EIPR1: variants seen among roughly 807,000 people sequenced by gnomAD.
EIPR1 encodes EARP complex and GARP complex interacting protein 1.
A neutral mutation model predicts 48.1 loss-of-function variants in EIPR1; 25 were observed. The ratio of observed to expected loss-of-function variants is 0.52; its 90% CI spans 0.38 to 0.73. The LOEUF is 0.73. EIPR1 is among the 30% of genes least tolerant of loss of function. The probability of loss-of-function intolerance (pLI) is 0.00; values close to 1 mark genes in which losing one functional copy is unlikely to be tolerated. For missense variants in EIPR1, 415 were observed against 506.2 expected, an observed-to-expected ratio of 0.82 and a Z score of 1.73; for synonymous variants, 204 against 201.9, an observed-to-expected ratio of 1.01 and a Z score of -0.09.
chr2:3,357,935 G>A lies in EIPR1; in HGVS notation c.43-3302C>T, dbSNP rs190919834. Among the ~76,000 whole-genome samples the A allele has an allele frequency of 1.4e-3, 215 of 152,276 alleles. 1 individual carries two copies. Among genetic ancestry groups the A allele is most frequent in the African/African-American group, 5.2e-3 (215 of 41,564 alleles). On this transcript the variant is annotated intron_variant, in intron 1 of 8. Coordinates refer to ENST00000382125, the MANE Select transcript of EIPR1 (RefSeq NM_003310.5). The stretch of plus-strand genomic sequence containing the variant: ...ACTTATGTCTTGACTTTAGCCCAGG[G>A]AGATTCATTTTGGGTTTCTGACTTA...
intron 1 of EIPR1, among the ~76,000 whole-genome samples, chr2:3,371,030 A>G (rs926410180): frequency 1.3e-5 from 2 of 152,252 alleles, no homozygotes; most frequent in Admixed American, 6.5e-5. Flanking sequence ...TCAGACTAAC[A>G]GCGGATCTCT....
chr2:3,250,226 ACAGCTGGCCAGGGTTT>A (rs1666961982), intron 4 of EIPR1, among the ~76,000 whole-genome samples: 2 of 152,200 alleles, frequency 1.3e-5, no homozygotes, highest in Non-Finnish European at 1.5e-5. Context: ...AGCCATGGGG[ACAGCTGGCCAGGGTTT>A]TGGGAGCCCA....
chr2:3,193,429 G>A (rs913688730), intron 7 of EIPR1, among the ~76,000 whole-genome samples: 4 of 152,244 alleles, frequency 2.6e-5, no homozygotes, highest in Middle Eastern at 3.4e-3. Flanking sequence ...GTGTACACCC[G>A]TGTGTGCACA....
intron 3 of EIPR1, among the ~76,000 whole-genome samples, chr2:3,323,709 G>A (rs1165936244): frequency 6.6e-6 from 1 of 152,230 alleles, no homozygotes; most frequent in Non-Finnish European, 1.5e-5. Flanking sequence ...ACCCAGAGCA[G>A]AGTCTGGATG....
chr2:3,249,196 T>C (rs1666931765), intron 4 of EIPR1, among the ~76,000 whole-genome samples: 1 of 152,214 alleles, frequency 6.6e-6, no homozygotes, highest in Admixed American at 6.5e-5. Flanking sequence ...ATTGAGTGAT[T>C]GTAGCCAAAA....
chr2:3,305,659 AAGAC>A (rs1346180346), intron 3 of EIPR1, among the ~76,000 whole-genome samples: 3 of 152,196 alleles, frequency 2.0e-5, no homozygotes, highest in African/African-American at 4.8e-5. Flanking sequence ...GAGACGGGGA[AAGAC>A]AGACAAAGGG....
chr2:3,208,951 C>A, intron 5 of EIPR1: 1 of 1,501,538 alleles, frequency 6.7e-7, no homozygotes, highest in South Asian at 1.3e-5. Context: ...TGTTCAGATT[C>A]TTCCCTCTAA....
chr2:3,371,194 G>A (rs938832026), intron 1 of EIPR1, among the ~76,000 whole-genome samples: 5 of 151,978 alleles, frequency 3.3e-5, no homozygotes, highest in Non-Finnish European at 7.4e-5. Context: ...ATGCTGAGAG[G>A]TTTTGCCACC....
intron 3 of EIPR1, among the ~76,000 whole-genome samples, chr2:3,334,434 G>A (rs116439544): frequency 0.012 from 1,881 of 152,354 alleles, 31 homozygotes; most frequent in Middle Eastern, 0.071. Flanking sequence ...AACACATGAA[G>A]TCTCTAGAAT....
At chr2:3,348,209 G>A (rs185173211) in intron 2 of EIPR1, among the ~76,000 whole-genome samples, 8 of 152,294 alleles carry the variant, frequency 5.3e-5, no homozygotes, top group Non-Finnish European at 8.8e-5. Flanking sequence ...GGGAGGAAAC[G>A]AGCTGCTCTG....
At chr2:3,241,445 A>G (rs1010227877) in intron 4 of EIPR1, among the ~76,000 whole-genome samples, 4 of 152,270 alleles carry the variant, frequency 2.6e-5, no homozygotes, top group African/African-American at 9.6e-5. Context: ...TGGAGTATGC[A>G]AAGTGCAATA....
intron 3 of EIPR1, among the ~76,000 whole-genome samples, chr2:3,318,123 G>A (rs551377834): frequency 5.3e-5 from 8 of 152,370 alleles, no homozygotes; most frequent in South Asian, 2.1e-4. Flanking sequence ...AAGTGGAACC[G>A]CTGCCATGTC....
chr2:3,280,117 T>C (rs1667970941), intron 3 of EIPR1, among the ~76,000 whole-genome samples: 1 of 152,272 alleles, frequency 6.6e-6, no homozygotes, highest in African/African-American at 2.4e-5. Context: ...TTGTGGTTTA[T>C]GCCTTTCCGA....
chr2:3,319,881 T>TGC (rs1669458372), intron 3 of EIPR1: 1 of 57,762 alleles, frequency 1.7e-5, no homozygotes, highest in African/African-American at 1.0e-4. Context: ...ACCACCCCTG[T>TGC]GGACAACACC....
In EIPR1 at chr2:3,286,135, G is replaced by A. The variant is rs1668177833; in HGVS notation, c.260-28680C>T. 6.6e-6 allele frequency among the ~76,000 whole-genome samples: 1 copy of A among 152,096 alleles called. No individual in the cohort carries two copies. The highest frequency in any genetic ancestry group is 1.5e-5 in the Non-Finnish European group (1 of 68,018). ...CCAGCTTTTTCCAGCCAAGCCCCCA[G>A]GCACATGGAGCAGACACAAGCCACA... On this transcript the variant is annotated intron_variant, in intron 3 of 8. Coordinates refer to ENST00000382125, the MANE Select transcript of EIPR1 (RefSeq NM_003310.5). This position sits in a 1 kb window ranked among gnomAD's most constrained non-coding sequence, Gnocchi z 4.2.
chr2:3,325,359 T>G (rs1428560793), intron 3 of EIPR1, among the ~76,000 whole-genome samples: 2 of 152,162 alleles, frequency 1.3e-5, no homozygotes, highest in African/African-American at 4.8e-5. Context: ...GCGGAGGAGA[T>G]GAGGTGAAAA....
chr2:3,296,701 C>A (rs190477089), intron 3 of EIPR1, among the ~76,000 whole-genome samples: 9 of 151,834 alleles, frequency 5.9e-5, no homozygotes, highest in Admixed American at 5.2e-4. Context: ...TCTCTGCCTA[C>A]AGAATCCATC....
intron 3 of EIPR1, chr2:3,320,351 CAACACCGCACCTGCGGGCAGGAA>C (rs1669487030): frequency 6.2e-6 from 1 of 162,240 alleles, no homozygotes. Context: ...CACCTGTGGG[CAACACCGCACCTGCGGGCAGGAA>C]AACACCACAC....
intron 3 of EIPR1, among the ~76,000 whole-genome samples, chr2:3,311,178 C>G (rs1381425444): frequency 6.6e-6 from 1 of 152,172 alleles, no homozygotes; most frequent in Admixed American, 6.5e-5. Flanking sequence ...AGAACGGTCT[C>G]TATCAACACA....
Sources: allele counts gnomAD v4.1 joint callset (sites outside exome capture counted in the v4.1 genomes callset), GRCh38; gene constraint gnomAD v4.1.1; non-coding constraint Gnocchi (gnomAD v3.1); transcripts MANE v1.5; gene names NCBI Gene and HGNC (gene_info 2026-07-23, HGNC 2026-07-21).